Variants in CNTNAP2 observed in about 807,000 individuals in gnomAD.
CNTNAP2 encodes the protein contactin-associated protein-like 2.
CNTNAP2 carries 98 observed loss-of-function variants against 155.2 expected under a neutral mutation model. The ratio of observed to expected loss-of-function variants is 0.63; its 90% CI spans 0.54 to 0.75. The LOEUF (loss-of-function observed/expected upper bound fraction) is 0.75, where lower values mean the gene tolerates loss of function less well. CNTNAP2 is among the 30% of genes least tolerant of loss of function. CNTNAP2 has a pLI of 0.00. For missense variants in CNTNAP2, 1,727 were observed against 1,688.1 expected (o/e 1.02, Z -0.40); for synonymous variants, 651 against 631.2 (o/e 1.03, Z -0.47).
intron 21 of CNTNAP2, among the ~76,000 whole-genome samples, chr7:148,328,712 G>A (rs1463899473): frequency 6.6e-6 from 1 of 152,030 alleles, no homozygotes; most frequent in East Asian, 1.9e-4. Context: ...GCTCACACCT[G>A]TAATCCCAGC....
At chr7:146,392,052 T>G (rs1473001201) in intron 1 of CNTNAP2, among the ~76,000 whole-genome samples, 1 of 152,152 alleles carries the variant, frequency 6.6e-6, no homozygotes, top group Non-Finnish European at 1.5e-5. Context: ...TGAGTAGTAT[T>G]AAGAAATCAT....
At chr7:147,415,297 C>T (rs1483180030) in intron 10 of CNTNAP2, among the ~76,000 whole-genome samples, 2 of 152,180 alleles carry the variant, frequency 1.3e-5, no homozygotes, top group Non-Finnish European at 2.9e-5. Context: ...CTACAGAGAT[C>T]AGTTCAAGCT....
chr7:147,866,209 C>T (rs1199244852), intron 13 of CNTNAP2, among the ~76,000 whole-genome samples: 1 of 152,174 alleles, frequency 6.6e-6, no homozygotes, highest in Admixed American at 6.5e-5. Flanking sequence ...GCAGGTTGTT[C>T]AGTTTCCATG....
intron 3 of CNTNAP2, among the ~76,000 whole-genome samples, chr7:146,941,419 A>G (rs976295941): frequency 6.6e-6 from 1 of 152,140 alleles, no homozygotes; most frequent in Non-Finnish European, 1.5e-5. Context: ...GGATGTCACA[A>G]CTTTTATCAT....
At chr7:147,169,434 TC>T (rs1399474869) in intron 8 of CNTNAP2, among the ~76,000 whole-genome samples, 1 of 152,172 alleles carries the variant, frequency 6.6e-6, no homozygotes, top group Non-Finnish European at 1.5e-5. Context: ...CCTCCCTCTT[TC>T]CCCTCTCTAG....
chr7:147,666,706 G>C (rs75595605), intron 13 of CNTNAP2, among the ~76,000 whole-genome samples: 6,144 of 152,106 alleles, frequency 0.04, 137 homozygotes, highest in Middle Eastern at 0.13. Context: ...TATTCATCAC[G>C]GTCCTTAATC....
rs149081513 is a variant in CNTNAP2, at chr7:146,420,649, G to A, written c.97+303676G>A. Among the ~76,000 whole-genome samples the A allele has an allele frequency of 1.9e-3, 296 of 152,164 alleles. 1 individual carries two copies. The highest frequency in any genetic ancestry group is 6.7e-3 in the African/African-American group (279 of 41,534). ...GTCTTCTCTACAACAGTCCTTGTAG[G>A]TGGGTGTCTATTTTTCCATTAAATG... On this transcript the variant is annotated intron_variant, in intron 1 of 23. Coordinates refer to ENST00000361727, the MANE Select transcript of CNTNAP2 (RefSeq NM_014141.6).
intron 10 of CNTNAP2, among the ~76,000 whole-genome samples, chr7:147,421,696 T>A (rs1163020296): frequency 6.6e-6 from 1 of 151,872 alleles, no homozygotes; most frequent in Non-Finnish European, 1.5e-5. Flanking sequence ...CCAAATCTCA[T>A]GTTAAAATGT....
intron 10 of CNTNAP2, among the ~76,000 whole-genome samples, chr7:147,451,937 C>T (rs1797841243): frequency 6.6e-6 from 1 of 152,196 alleles, no homozygotes; most frequent in African/African-American, 2.4e-5. Flanking sequence ...CTTCCACCAT[C>T]TGCAAGGGGA....
intron 15 of CNTNAP2, among the ~76,000 whole-genome samples, chr7:148,095,441 G>A (rs1468472765): frequency 6.6e-6 from 1 of 152,198 alleles, no homozygotes; most frequent in Non-Finnish European, 1.5e-5. Context: ...TTCGAAATTA[G>A]CCAGGCTTCT....
chr7:147,241,954 T>C (rs1803946892), intron 8 of CNTNAP2, among the ~76,000 whole-genome samples: 1 of 152,182 alleles, frequency 6.6e-6, no homozygotes, highest in Admixed American at 6.5e-5. Context: ...TGAAACACGT[T>C]TATAAAGCAG....
chr7:146,442,385 T>C (rs992964193), intron 1 of CNTNAP2, among the ~76,000 whole-genome samples: 3 of 147,180 alleles, frequency 2.0e-5, no homozygotes, highest in African/African-American at 8.2e-5. Flanking sequence ...AGTGGTGAGA[T>C]AGGTACAAAT....
chr7:146,579,796 G>A (rs1486614121), intron 1 of CNTNAP2, among the ~76,000 whole-genome samples: 3 of 152,058 alleles, frequency 2.0e-5, no homozygotes, highest in Non-Finnish European at 2.9e-5. Context: ...TGGTGCCTCA[G>A]TGTCATATAA....
intron 14 of CNTNAP2, among the ~76,000 whole-genome samples, chr7:147,907,434 T>A (rs1799982399): frequency 6.6e-6 from 1 of 152,168 alleles, no homozygotes; most frequent in South Asian, 2.1e-4. Context: ...TGGAGAAATC[T>A]TCTTGGTCTT....
chr7:147,947,482 G>T (rs895244426), intron 14 of CNTNAP2, among the ~76,000 whole-genome samples: 2 of 145,036 alleles, frequency 1.4e-5, no homozygotes, highest in African/African-American at 5.0e-5. Flanking sequence ...AAAAAAATTA[G>T]TTGGGCATTG....
intron 18 of CNTNAP2, among the ~76,000 whole-genome samples, chr7:148,214,636 T>C (rs1481994445): frequency 6.6e-6 from 1 of 152,128 alleles, no homozygotes; most frequent in Non-Finnish European, 1.5e-5. Flanking sequence ...CAGTGGCGGA[T>C]CTCGGCTCAG....
intron 13 of CNTNAP2, among the ~76,000 whole-genome samples, chr7:147,663,486 G>C (rs143571278): frequency 0.017 from 2,543 of 152,322 alleles, 222 homozygotes; most frequent in Admixed American, 0.15. Context: ...AAAGAACAGA[G>C]TTTATGACTT....
At chr7:147,980,319 T>C (rs2116868327) in intron 15 of CNTNAP2, among the ~76,000 whole-genome samples, 1 of 152,372 alleles carries the variant, frequency 6.6e-6, no homozygotes, top group East Asian at 1.9e-4. Context: ...TTTGCATTTC[T>C]ATTCTAGGGC....
intron 12 of CNTNAP2, among the ~76,000 whole-genome samples, chr7:147,629,049 G>A (rs1352363011): frequency 6.6e-6 from 1 of 151,896 alleles, no homozygotes; most frequent in Non-Finnish European, 1.5e-5. Flanking sequence ...TAGTGGGGGG[G>A]CTTCAATACT....
Sources: allele counts gnomAD v4.1 joint callset (sites outside exome capture counted in the v4.1 genomes callset), GRCh38; gene constraint gnomAD v4.1.1; transcripts MANE v1.5; gene names NCBI Gene and HGNC (gene_info 2026-07-23, HGNC 2026-07-21).